Variants in RIMS1 observed in about 807,000 individuals in gnomAD.
RIMS1 encodes the protein regulating synaptic membrane exocytosis protein 1.
In RIMS1, 83 loss-of-function variants were observed where a neutral mutation model predicts 214.1. That is an observed-to-expected ratio of 0.39 (90% confidence interval 0.32 to 0.47). The LOEUF is 0.47. Among genes scored for constraint, RIMS1 ranks in the 20% least tolerant of loss-of-function variants. The pLI, the probability that RIMS1 is intolerant of heterozygous loss-of-function variation, is 0.99. For missense variants in RIMS1, 2,050 were observed against 2,161.8 expected, an observed-to-expected ratio of 0.95 and a Z score of 1.03; for synonymous variants, 793 against 786.8, an observed-to-expected ratio of 1.01 and a Z score of -0.13.
In RIMS1 at chr6:72,401,128, G is replaced by A. The variant is rs974052567; in HGVS notation, c.*414G>A. The A allele has an allele frequency of 6.4e-6, 1 of 157,338 alleles. No homozygotes were observed. 9.7% of individuals were successfully genotyped at this position (157,338 alleles called of 1,614,324 possible). ...ATTTCCCTGATGTTTGAGTTGTTTT[G>A]TTCTTTTGTGTGTTTTGTTTATTTG... On this transcript the variant is annotated 3_prime_UTR_variant, in exon 34 of 34. Coordinates refer to ENST00000521978, the MANE Select transcript of RIMS1 (RefSeq NM_014989.7).
chr6:72,182,697 C>T lies in RIMS1; in HGVS notation c.1226C>T (p.Ala409Val). ...GGCGCGGCGCTGCCGGAGGGCAAGG[C>T]CGGCAAACGCGCGCCGGCGGCAGCC... Reference protein sequence around the residue: ...EAGAALPEGKAGKRAPAAARA... With the variant: ...EAGAALPEGKVGKRAPAAARA... The change falls in exon 6 of 34, where the codon GCC (alanine) becomes GTC (valine). Residue 409 changes from alanine (A) to valine (V), a missense_variant. Ala to Val is a moderately conservative substitution (Grantham distance 64). Transcript: ENST00000521978. 2.7e-6 allele frequency: 4 copies of T among 1,504,736 alleles called. No homozygotes were observed. The highest frequency in any genetic ancestry group is 1.3e-5 in the South Asian group (1 of 77,512). The allele number at this position is 1,504,736 out of a possible 1,614,324, so 93.2% of individuals were successfully genotyped here.
rs547930770 is a variant in RIMS1, at chr6:71,911,484, A to G, written c.164+24297A>G. Among the ~76,000 whole-genome samples, 11 of 152,242 alleles carry G rather than the reference A, an allele frequency of 7.2e-5. No individual in the cohort carries two copies. In the South Asian group the frequency reaches 1.7e-3, roughly 23 times the overall value. On this transcript the variant is annotated intron_variant, in intron 1 of 33. Coordinates refer to ENST00000521978, the MANE Select transcript of RIMS1 (RefSeq NM_014989.7). The stretch of plus-strand genomic sequence containing the variant: ...TTAGATGCTTGTATGATGCAGATGG[A>G]TTGTCCTTGTGGTCACTTGGCAATA...
At chr6:72,233,883 G>T in intron 7 of RIMS1, 43 bp downstream of exon 7, 1 of 1,293,278 alleles carries the variant, frequency 7.7e-7, no homozygotes, top group Non-Finnish European at 1.1e-6. Flanking sequence ...GGGAATATGT[G>T]TGCTCGTTAA....
At chr6:72,213,968 A>C (rs940927602) in intron 6 of RIMS1, among the ~76,000 whole-genome samples, 1 of 152,214 alleles carries the variant, frequency 6.6e-6, no homozygotes, top group Admixed American at 6.5e-5. Context: ...AGTTGTAGAA[A>C]TATTTTAAAT....
intron 29 of RIMS1, among the ~76,000 whole-genome samples, chr6:72,359,466 A>G (rs2097755790): frequency 6.6e-6 from 1 of 152,160 alleles, no homozygotes; most frequent in African/African-American, 2.4e-5. Context: ...GTTTCCCTAA[A>G]AGCAATTTGC....
chr6:72,190,320 G>A (rs1351822007), intron 6 of RIMS1, among the ~76,000 whole-genome samples: 8 of 151,968 alleles, frequency 5.3e-5, no homozygotes, highest in Admixed American at 2.6e-4. Context: ...AAAATTAGCC[G>A]GGCATATTGG....
chr6:71,988,148 T>C (rs1800574741), intron 2 of RIMS1, among the ~76,000 whole-genome samples: 1 of 152,178 alleles, frequency 6.6e-6, no homozygotes, highest in African/African-American at 2.4e-5. Context: ...TTATAAATGG[T>C]TCTTTGCTTC....
chr6:72,037,981 C>T (rs772362536), intron 2 of RIMS1, among the ~76,000 whole-genome samples: 9 of 148,944 alleles, frequency 6.0e-5, no homozygotes, highest in Non-Finnish European at 1.2e-4. Context: ...GGCACTCTGA[C>T]GTGTACAATG....
At chr6:72,018,638 G>T (rs1274491521) in intron 2 of RIMS1, among the ~76,000 whole-genome samples, 1 of 152,116 alleles carries the variant, frequency 6.6e-6, no homozygotes, top group Non-Finnish European at 1.5e-5. Context: ...GGAGAAAATA[G>T]CAATGATCCC....
intron 6 of RIMS1, chr6:72,213,002 T>C (rs1309954256): frequency 6.8e-7 from 1 of 1,475,942 alleles, no homozygotes; most frequent in South Asian, 1.4e-5. Flanking sequence ...TTCAATGATA[T>C]AAGCAGAGTG....
intron 6 of RIMS1, among the ~76,000 whole-genome samples, chr6:72,196,158 T>C (rs2050831496): frequency 1.3e-5 from 2 of 152,156 alleles, no homozygotes; most frequent in African/African-American, 4.8e-5. Context: ...AGAATTCATT[T>C]TGTGTTCTTC....
At chr6:72,267,086 T>C (rs2080951161) in intron 22 of RIMS1, among the ~76,000 whole-genome samples, 1 of 152,116 alleles carries the variant, frequency 6.6e-6, no homozygotes, top group Non-Finnish European at 1.5e-5. Context: ...GTGTATTCTT[T>C]TACATTTGTA....
chr6:71,953,925 C>A (rs546432334), intron 1 of RIMS1, among the ~76,000 whole-genome samples: 1 of 152,136 alleles, frequency 6.6e-6, no homozygotes, highest in South Asian at 2.1e-4. Flanking sequence ...TTGCTTTTTA[C>A]CTTTAGGGTC....
At chr6:72,353,670 G>A (rs551926390) in intron 29 of RIMS1, among the ~76,000 whole-genome samples, 108 of 152,308 alleles carry the variant, frequency 7.1e-4, no homozygotes, top group Non-Finnish European at 1.0e-3. Context: ...ACGTCACAAA[G>A]CACACATTAT....
intron 1 of RIMS1, among the ~76,000 whole-genome samples, chr6:71,966,341 T>C (rs1053590741): frequency 6.6e-6 from 1 of 151,986 alleles, no homozygotes; most frequent in African/African-American, 2.4e-5. Context: ...AATGTGTTTA[T>C]TTTTATTATT....
At chr6:72,366,114 C>CT (rs951581313) in intron 29 of RIMS1, among the ~76,000 whole-genome samples, 5 of 152,008 alleles carry the variant, frequency 3.3e-5, no homozygotes, top group African/African-American at 9.7e-5. Context: ...AAGTTAGAAC[C>CT]TTTTTTTTCT....
intron 2 of RIMS1, among the ~76,000 whole-genome samples, chr6:71,978,929 C>T (rs1797806007): frequency 6.6e-6 from 1 of 152,082 alleles, no homozygotes; most frequent in African/African-American, 2.4e-5. Context: ...ACTGACATTT[C>T]CAATTCATAG....
chr6:72,152,079 C>T (rs569500853), intron 4 of RIMS1, among the ~76,000 whole-genome samples: 11 of 152,246 alleles, frequency 7.2e-5, no homozygotes, highest in East Asian at 1.9e-4. Context: ...TTCTCCCCCA[C>T]GATCCAAACC....
intron 1 of RIMS1, among the ~76,000 whole-genome samples, chr6:71,953,251 A>T (rs1790195540): frequency 6.6e-6 from 1 of 152,038 alleles, no homozygotes; most frequent in Admixed American, 6.6e-5. Context: ...AACTTCCCAA[A>T]GTTCTGGAAT....
Sources: allele counts gnomAD v4.1 joint callset (sites outside exome capture counted in the v4.1 genomes callset), GRCh38; gene constraint gnomAD v4.1.1; transcripts MANE v1.5; gene names NCBI Gene and HGNC (gene_info 2026-07-23, HGNC 2026-07-21).